RUNDC3B: variants seen among roughly 807,000 people sequenced by gnomAD.
The protein encoded by RUNDC3B is RUN domain containing 3B, also known as RUN domain-containing protein 3B.
Under a neutral mutation model 58.4 loss-of-function variants are expected in RUNDC3B, and 33 were observed. That is an observed-to-expected ratio of 0.56 (90% CI 0.43 to 0.75). The LOEUF is 0.75. Ranked by LOEUF, RUNDC3B falls within the 30% of genes least tolerant of loss-of-function variation. RUNDC3B has a pLI of 0.00. For synonymous variants in RUNDC3B, 193 were observed against 195.2 expected (o/e 0.99, Z 0.10); for missense variants, 501 against 535.7 (o/e 0.94, Z 0.64).
chr7:87,772,659 A>C (rs1315831708), intron 7 of RUNDC3B, among the ~76,000 whole-genome samples: 1 of 152,196 alleles, frequency 6.6e-6, no homozygotes, highest in Non-Finnish European at 1.5e-5. Flanking sequence ...AGAGGGAAAG[A>C]AAAGAAATAA....
At chr7:87,778,759 T>G (rs1834782977) in intron 8 of RUNDC3B, among the ~76,000 whole-genome samples, 1 of 152,196 alleles carries the variant, frequency 6.6e-6, no homozygotes, top group Admixed American at 6.5e-5. Context: ...TAAGCTACTT[T>G]CTGGTACAAA....
At chr7:87,709,214 C>G in intron 3 of RUNDC3B, 1 of 983,262 alleles carries the variant, frequency 1.0e-6, no homozygotes, top group Non-Finnish European at 1.2e-6. Flanking sequence ...GCAAGATTTT[C>G]CCTACATTTC....
intron 2 of RUNDC3B, among the ~76,000 whole-genome samples, chr7:87,676,771 C>T (rs1029204756): frequency 6.6e-6 from 1 of 151,248 alleles, no homozygotes; most frequent in African/African-American, 2.4e-5. Flanking sequence ...GATCACAACT[C>T]CTTGCCTTAT....
intron 9 of RUNDC3B, among the ~76,000 whole-genome samples, chr7:87,814,111 TTTTTTTGAGATGGAGTTTCAC>T (rs1836891724): frequency 6.6e-6 from 1 of 151,286 alleles, no homozygotes; most frequent in Admixed American, 6.6e-5. Flanking sequence ...CTTTTTTTTT[TTTTTTTGAGATGGAGTTTCAC>T]TCTTGTTGCT....
At chr7:87,805,698 T>C (rs1836400477) in intron 8 of RUNDC3B, among the ~76,000 whole-genome samples, 1 of 152,226 alleles carries the variant, frequency 6.6e-6, no homozygotes, top group African/African-American at 2.4e-5. Flanking sequence ...TATTATTAAC[T>C]GTGTTCTACC....
chr7:87,801,686 T>C, intron 8 of RUNDC3B, among the ~76,000 whole-genome samples: 1 of 152,072 alleles, frequency 6.6e-6, no homozygotes, highest in Admixed American at 6.6e-5. Context: ...GGAGAATTGC[T>C]TGAACCCAGG....
At chr7:87,729,410 T>C (rs1831445990) in intron 4 of RUNDC3B, among the ~76,000 whole-genome samples, 1 of 152,100 alleles carries the variant, frequency 6.6e-6, no homozygotes, top group African/African-American at 2.4e-5. Context: ...GGAAAGAAAA[T>C]CTGTGCATTC....
intron 8 of RUNDC3B, 60 bp from the exon 9 acceptor site, chr7:87,807,313 G>T (rs772062511): frequency 1.3e-5 from 20 of 1,558,996 alleles, no homozygotes; most frequent in Non-Finnish European, 1.8e-5. Context: ...GATACCATTA[G>T]GTTCCTCTGC....
chr7:87,725,755 GT>G (rs753493201), intron 4 of RUNDC3B, among the ~76,000 whole-genome samples: 2 of 152,280 alleles, frequency 1.3e-5, no homozygotes, highest in Non-Finnish European at 2.9e-5. Context: ...AGCACCTGTT[GT>G]TTCCTGACCT....
Position 87,749,334 on chromosome 7 carries a change from C to A in RUNDC3B, c.629+7755C>A, listed in dbSNP as rs117880546. Reference sequence around the variant, plus strand: ...AATTAAATTAGTAATATAGATCCTGCATAGCCACTTTTTGTCTGAATTTTT... The same window carrying A: ...AATTAAATTAGTAATATAGATCCTGAATAGCCACTTTTTGTCTGAATTTTT... On this transcript the variant is annotated intron_variant, in intron 6 of 10. Coordinates refer to ENST00000394654, the MANE Select transcript of RUNDC3B (RefSeq NM_001134405.2). Among the ~76,000 whole-genome samples the A allele has an allele frequency of 3.1e-3, 472 of 152,236 alleles. 6 individuals are homozygous for A. In the East Asian group the frequency reaches 0.049, roughly 16 times the overall value.
chr7:87,703,915 T>TTG (rs1829349921), intron 3 of RUNDC3B, among the ~76,000 whole-genome samples: 4 of 18,544 alleles, frequency 2.2e-4, no homozygotes, highest in Non-Finnish European at 4.4e-4. Flanking sequence ...TTTTTTTTGG[T>TTG]TTTTTTTTTT....
chr7:87,730,886 T>C (rs1390564196), intron 4 of RUNDC3B, among the ~76,000 whole-genome samples: 1 of 151,842 alleles, frequency 6.6e-6, no homozygotes, highest in South Asian at 2.1e-4. Context: ...CTTTGTTTGG[T>C]TGGGGGGAAG....
intron 4 of RUNDC3B, among the ~76,000 whole-genome samples, chr7:87,733,522 A>G (rs938731022): frequency 3.9e-5 from 6 of 152,236 alleles, no homozygotes; most frequent in Non-Finnish European, 8.8e-5. Context: ...AAGATGACAA[A>G]CAGAATAGGA....
chr7:87,688,629 T>C (rs1277083205), intron 2 of RUNDC3B, among the ~76,000 whole-genome samples: 1 of 151,922 alleles, frequency 6.6e-6, no homozygotes, highest in African/African-American at 2.4e-5. Context: ...TTACTGTTGG[T>C]AGTTTGTTAT....
At position 87,652,621 on chromosome 7, in the gene RUNDC3B, G is replaced by GATATATATATAT. The variant is rs373344881; in HGVS notation, c.238+1698_238+1709dup. 8.8e-3 allele frequency among the ~76,000 whole-genome samples: 1,106 copies of GATATATATATAT among 125,324 alleles called. 21 individuals are homozygous for GATATATATATAT. Among genetic ancestry groups the GATATATATATAT allele is most frequent in the African/African-American group, 0.01 (303 of 29,102 alleles). 82.2% of individuals were successfully genotyped at this position (125,324 alleles called of 152,430 possible). A position where few individuals can be genotyped will look rare whatever the true frequency, so the allele number is the denominator to read the frequency against. On this transcript the variant is annotated intron_variant, in intron 2 of 10. Coordinates refer to ENST00000394654, the MANE Select transcript of RUNDC3B (RefSeq NM_001134405.2). ...CTGTCAGTTGACTCTTGTGGTCACT[G>GATATATATATAT]ATATATATATATATATATATATATA...
intron 2 of RUNDC3B, chr7:87,693,770 T>C (rs1828229914): frequency 1.5e-6 from 1 of 685,616 alleles, no homozygotes; most frequent in South Asian, 1.9e-5. Context: ...AGTTCATTTA[T>C]TTAGTAGGTA....
chr7:87,727,648 A>G (rs1387118734), intron 4 of RUNDC3B, among the ~76,000 whole-genome samples: 3 of 152,150 alleles, frequency 2.0e-5, no homozygotes, highest in South Asian at 2.1e-4. Context: ...CTGCAATACT[A>G]TTTTAAAATA....
rs535960677 is a variant in RUNDC3B, at chr7:87,752,447, A to G, written c.629+10868A>G. On this transcript the variant is annotated intron_variant, in intron 6 of 10. Transcript: ENST00000394654. The stretch of plus-strand genomic sequence containing the variant: ...ATTGATTGGAATAGTTTCAGAAGGA[A>G]TGGTACCAGTTCCTCCATGTACCTC... 4.4e-3 allele frequency among the ~76,000 whole-genome samples: 676 copies of G among 152,290 alleles called. 2 individuals carry two copies. The highest frequency in any genetic ancestry group is 8.2e-3 in the Non-Finnish European group (556 of 68,020).
At chr7:87,638,558 T>G (rs1822077539) in intron 1 of RUNDC3B, among the ~76,000 whole-genome samples, 1 of 152,138 alleles carries the variant, frequency 6.6e-6, no homozygotes, top group Admixed American at 6.5e-5. Context: ...TGTCTTCTGG[T>G]ATGAGTTTCA....
Sources: gnomAD v4.1 joint callset for allele counts (sites outside exome capture counted in the v4.1 genomes callset) on GRCh38, gnomAD v4.1.1 for gene constraint, MANE v1.5 for transcripts, NCBI Gene and HGNC (gene_info 2026-07-23, HGNC 2026-07-21) for gene names.